Variants in SOX5 observed in about 807,000 individuals in gnomAD.
SOX5 encodes the protein SRY-box transcription factor 5.
Under a neutral mutation model 92.0 loss-of-function variants are expected in SOX5, and 9 were observed. The ratio of observed to expected loss-of-function variants is 0.10; its 90% confidence interval spans 0.06 to 0.17. SOX5 has a LOEUF of 0.17. SOX5 is among the 10% of genes least tolerant of loss of function. SOX5 has a pLI of 1.00. For missense variants in SOX5, 642 were observed against 944.5 expected (o/e 0.68, Z 4.20); for synonymous variants, 344 against 336.3 (o/e 1.02, Z -0.25).
chr12:24,139,775 C>T (rs752063930), intron 4 of SOX5, among the ~76,000 whole-genome samples: 44 of 152,274 alleles, frequency 2.9e-4, no homozygotes, highest in Middle Eastern at 3.4e-3. Context: ...AATGGAGTCT[C>T]GCCTGAAGGA....
chr12:24,046,649 A>G (rs1476458678), intron 4 of SOX5, among the ~76,000 whole-genome samples: 2 of 151,168 alleles, frequency 1.3e-5, no homozygotes, highest in East Asian at 2.0e-4. Context: ...ACTTGTAGCT[A>G]TAGAAAAGGT....
intron 4 of SOX5, among the ~76,000 whole-genome samples, chr12:24,039,802 C>T (rs570671063): frequency 6.6e-6 from 1 of 152,106 alleles, no homozygotes; most frequent in African/African-American, 2.4e-5. Context: ...AATGGAAACA[C>T]TGAAACCTAA....
chr12:24,149,462 A>C (rs1951441687), intron 4 of SOX5, among the ~76,000 whole-genome samples: 1 of 152,222 alleles, frequency 6.6e-6, no homozygotes, highest in Admixed American at 6.5e-5. Flanking sequence ...TATTCTCAAC[A>C]TCATTAGTCA....
At chr12:24,284,763 C>T (rs1036561185) in intron 2 of SOX5, among the ~76,000 whole-genome samples, 1 of 152,128 alleles carries the variant, frequency 6.6e-6, no homozygotes, top group South Asian at 2.1e-4. Flanking sequence ...GTTCCTGAAG[C>T]CTAGGTTGCT....
chr12:24,078,150 G>T (rs568686340), intron 4 of SOX5, among the ~76,000 whole-genome samples: 14 of 151,872 alleles, frequency 9.2e-5, no homozygotes, highest in Non-Finnish European at 1.9e-4. Context: ...GTTACCTATC[G>T]TTTGCTTATT....
chr12:24,136,032 G>A (rs1284319188), intron 4 of SOX5, among the ~76,000 whole-genome samples: 1 of 152,194 alleles, frequency 6.6e-6, no homozygotes, highest in Non-Finnish European at 1.5e-5. Context: ...TGAGGGATCG[G>A]CAAGATAGAA....
intron 4 of SOX5, among the ~76,000 whole-genome samples, chr12:24,049,476 A>ACAT (rs1183599170): frequency 6.6e-6 from 1 of 152,220 alleles, no homozygotes; most frequent in African/African-American, 2.4e-5. Context: ...AATTCCCTGC[A>ACAT]CATTCAGTTC....
At chr12:24,397,031 T>C (rs1402818530) in intron 1 of SOX5, among the ~76,000 whole-genome samples, 2 of 152,238 alleles carry the variant, frequency 1.3e-5, no homozygotes, top group Non-Finnish European at 2.9e-5. Context: ...GAGAGTTGTG[T>C]TAGTACTTTG....
At chr12:24,083,600 T>A (rs1943623781) in intron 4 of SOX5, among the ~76,000 whole-genome samples, 1 of 152,038 alleles carries the variant, frequency 6.6e-6, no homozygotes, top group African/African-American at 2.4e-5. Context: ...TCCCCAGAAC[T>A]ATGGGAGGCA....
At chr12:24,332,250 C>A (rs1437414338) in intron 2 of SOX5, among the ~76,000 whole-genome samples, 1 of 152,164 alleles carries the variant, frequency 6.6e-6, no homozygotes, top group Non-Finnish European at 1.5e-5. Flanking sequence ...CTCAAAGGAA[C>A]ATGAATTAGC....
At chr12:24,331,815 T>C (rs1261024683) in intron 2 of SOX5, among the ~76,000 whole-genome samples, 1 of 110,396 alleles carries the variant, frequency 9.1e-6, no homozygotes, top group Non-Finnish European at 1.7e-5. Context: ...GCCACTGCAC[T>C]CCAACCAGCC....
intron 13 of SOX5, among the ~76,000 whole-genome samples, chr12:23,542,152 C>T (rs1223165055): frequency 6.6e-6 from 1 of 152,136 alleles, no homozygotes; most frequent in Non-Finnish European, 1.5e-5. Flanking sequence ...TATAGATGAT[C>T]TGTAATGAAT....
intron 4 of SOX5, among the ~76,000 whole-genome samples, chr12:24,097,155 T>C (rs1945520876): frequency 6.6e-6 from 1 of 152,176 alleles, no homozygotes; most frequent in Admixed American, 6.5e-5. Context: ...AGCATCTTTA[T>C]AGGTACGTGG....
intron 6 of SOX5, among the ~76,000 whole-genome samples, chr12:23,702,695 A>G (rs1215998793): frequency 2.0e-5 from 3 of 152,006 alleles, no homozygotes; most frequent in Admixed American, 1.3e-4. Flanking sequence ...TAAATTAAAT[A>G]CCACCAGTGA....
intron 1 of SOX5, among the ~76,000 whole-genome samples, chr12:24,385,926 C>CAAAAAAAAA (rs35813329): frequency 5.6e-4 from 41 of 73,384 alleles, no homozygotes; most frequent in African/African-American, 2.0e-3. Context: ...GACCTTGTCA[C>CAAAAAAAAA]AAAAAAAAAA....
chr12:23,925,312 T>C (rs1333643249), intron 1 of SOX5, among the ~76,000 whole-genome samples: 1 of 152,110 alleles, frequency 6.6e-6, no homozygotes, highest in Non-Finnish European at 1.5e-5. Flanking sequence ...TGTTAATTTT[T>C]AGTAGAGGGC....
At chr12:24,290,064 A>G (rs1307923430) in intron 2 of SOX5, among the ~76,000 whole-genome samples, 1 of 152,188 alleles carries the variant, frequency 6.6e-6, no homozygotes. Flanking sequence ...TCTGCGATCC[A>G]AAAGTCTAGT....
At chr12:24,473,763 C>G (rs1566253113) in intron 1 of SOX5, among the ~76,000 whole-genome samples, 1 of 152,176 alleles carries the variant, frequency 6.6e-6, no homozygotes, top group Non-Finnish European at 1.5e-5. Flanking sequence ...TCTGGCCTCT[C>G]TAGTCCTTAT....
At chr12:24,542,769 A>G (rs916111328) in intron 1 of SOX5, among the ~76,000 whole-genome samples, 3 of 152,250 alleles carry the variant, frequency 2.0e-5, no homozygotes, top group Admixed American at 2.0e-4. Flanking sequence ...TGTTTATAAG[A>G]ACCACTATAT....
Sources: gnomAD v4.1 joint callset for allele counts (sites outside exome capture counted in the v4.1 genomes callset) on GRCh38, gnomAD v4.1.1 for gene constraint, MANE v1.5 for transcripts, NCBI Gene and HGNC (gene_info 2026-07-23, HGNC 2026-07-21) for gene names.